ERC2: variants seen among roughly 807,000 people sequenced by gnomAD.
The protein encoded by ERC2 is ELKS/RAB6-interacting/CAST family member 2, also known as ERC protein 2.
A neutral mutation model predicts 114.8 loss-of-function variants in ERC2; 42 were observed. The ratio of observed to expected loss-of-function variants is 0.37; its 90% CI spans 0.29 to 0.47. The LOEUF (loss-of-function observed/expected upper bound fraction) is 0.47, where lower values mean the gene tolerates loss of function less well. Among genes scored for constraint, ERC2 ranks in the 20% least tolerant of loss-of-function variants. The probability of loss-of-function intolerance (pLI) is 0.99; values close to 1 mark genes in which losing one functional copy is unlikely to be tolerated. For missense variants in ERC2, 939 were observed against 1,150.7 expected, an observed-to-expected ratio of 0.82 and a Z score of 2.66; for synonymous variants, 454 against 425.5, an observed-to-expected ratio of 1.07 and a Z score of -0.82.
intron 13 of ERC2, among the ~76,000 whole-genome samples, chr3:55,906,601 CT>C (rs953162123): frequency 6.6e-6 from 1 of 152,126 alleles, no homozygotes. Context: ...TTTAACAACC[CT>C]TCTGATTGAT....
chr3:56,248,142 T>C (rs1459456485), intron 3 of ERC2, among the ~76,000 whole-genome samples: 1 of 152,170 alleles, frequency 6.6e-6, no homozygotes, highest in East Asian at 1.9e-4. Flanking sequence ...TAGGCTAGAG[T>C]TCAGTGACAC....
intron 17 of ERC2, among the ~76,000 whole-genome samples, chr3:55,574,574 C>A (rs1159267121): frequency 6.6e-6 from 1 of 152,084 alleles, no homozygotes; most frequent in African/African-American, 2.4e-5. Flanking sequence ...AGTTGTGTGA[C>A]CTTGGGTGAG....
chr3:55,735,941 A>G (rs907192363), intron 14 of ERC2, among the ~76,000 whole-genome samples: 1 of 152,184 alleles, frequency 6.6e-6, no homozygotes, highest in Non-Finnish European at 1.5e-5. Flanking sequence ...CCCTGAACTT[A>G]GAAGTCATCC....
chr3:55,890,835 T>C (rs1381524709), intron 13 of ERC2, among the ~76,000 whole-genome samples: 2 of 152,228 alleles, frequency 1.3e-5, no homozygotes, highest in Non-Finnish European at 2.9e-5. Context: ...TGTGTGGCCC[T>C]GGACCGAGGA....
chr3:56,310,643 A>C (rs1465103021), intron 2 of ERC2, among the ~76,000 whole-genome samples: 1 of 152,064 alleles, frequency 6.6e-6, no homozygotes, highest in Non-Finnish European at 1.5e-5. Context: ...GATTTTCCCC[A>C]TGTACCCTCC....
In ERC2 at chr3:55,798,527, G is replaced by A. The variant is rs147417166; in HGVS notation, c.2565-63609C>T. Among the ~76,000 whole-genome samples, 614 of 152,120 alleles carry A rather than the reference G, an allele frequency of 4.0e-3. 8 individuals carry two copies. Among genetic ancestry groups the A allele is most frequent in the African/African-American group, 0.014 (583 of 41,486 alleles). ...GCAGGATAATCACTTGAACTTGGGA[G>A]GCGGAGGTTGCAGTGAGCCAAGACC... On this transcript the variant is annotated intron_variant, in intron 14 of 17. Coordinates refer to ENST00000288221, the MANE Select transcript of ERC2 (RefSeq NM_015576.3).
intron 14 of ERC2, among the ~76,000 whole-genome samples, chr3:55,840,791 A>C (rs1319535821): frequency 6.6e-6 from 1 of 152,158 alleles, no homozygotes; most frequent in African/African-American, 2.4e-5. Flanking sequence ...ACTAGTAGGC[A>C]ATAAAAAGGT....
At chr3:56,360,601 G>C (rs1275475924) in intron 2 of ERC2, among the ~76,000 whole-genome samples, 3 of 152,168 alleles carry the variant, frequency 2.0e-5, no homozygotes, top group Non-Finnish European at 4.4e-5. Context: ...GTGTACTGAA[G>C]GATGAGTAAG....
intron 17 of ERC2, among the ~76,000 whole-genome samples, chr3:55,549,477 CTTTTTTTTTT>C (rs11404043): frequency 1.6e-5 from 2 of 123,226 alleles, no homozygotes; most frequent in Non-Finnish European, 3.3e-5. Context: ...GCCGCCTTAC[CTTTTTTTTTT>C]TTTTTTTTTT....
At chr3:55,789,217 C>A (rs2069775584) in intron 14 of ERC2, among the ~76,000 whole-genome samples, 1 of 152,194 alleles carries the variant, frequency 6.6e-6, no homozygotes, top group South Asian at 2.1e-4. Flanking sequence ...CTGTGACTGT[C>A]CTGCAAAAAG....
intron 15 of ERC2, among the ~76,000 whole-genome samples, chr3:55,703,955 C>T (rs2063355067): frequency 2.0e-5 from 3 of 152,180 alleles, no homozygotes; most frequent in Non-Finnish European, 4.4e-5. Context: ...TACCACCTCC[C>T]TGATTACTTA....
intron 16 of ERC2, among the ~76,000 whole-genome samples, chr3:55,686,654 C>T (rs770744641): frequency 6.6e-6 from 1 of 152,238 alleles, no homozygotes; most frequent in African/African-American, 2.4e-5. Flanking sequence ...ACAAGTATCA[C>T]TTGATCCTTA....
At chr3:56,271,767 C>T (rs1202359782) in intron 3 of ERC2, among the ~76,000 whole-genome samples, 1 of 152,142 alleles carries the variant, frequency 6.6e-6, no homozygotes, top group Admixed American at 6.6e-5. Flanking sequence ...TCCCACCTTC[C>T]ACCCTCAAGT....
intron 14 of ERC2, among the ~76,000 whole-genome samples, chr3:55,862,493 A>G (rs547540549): frequency 3.7e-4 from 57 of 152,320 alleles, no homozygotes; most frequent in African/African-American, 1.3e-3. Context: ...TGGCTATAAC[A>G]GGATAAACTA....
chr3:55,986,783 C>A (rs2070675463), intron 11 of ERC2, among the ~76,000 whole-genome samples: 1 of 151,290 alleles, frequency 6.6e-6, no homozygotes, highest in African/African-American at 2.4e-5. Flanking sequence ...AAACAATAAT[C>A]TCTATTGTCA....
intron 17 of ERC2, among the ~76,000 whole-genome samples, chr3:55,586,169 G>A (rs942947965): frequency 6.6e-6 from 1 of 152,134 alleles, no homozygotes; most frequent in Non-Finnish European, 1.5e-5. Flanking sequence ...GGACTGCAGA[G>A]GGTTGGGGAA....
chr3:56,127,012 T>G (rs2176637), intron 6 of ERC2, among the ~76,000 whole-genome samples: 116,759 of 151,832 alleles, frequency 0.77, 45,552 homozygotes, highest in East Asian at 0.85. Context: ...AAAATCAGTA[T>G]CATTTATATA....
At chr3:56,120,857 C>A (rs1439993502) in intron 6 of ERC2, among the ~76,000 whole-genome samples, 1 of 152,174 alleles carries the variant, frequency 6.6e-6, no homozygotes, top group Non-Finnish European at 1.5e-5. Flanking sequence ...CATCTGATAA[C>A]TGAACTTCAG....
chr3:56,348,092 G>C (rs2058376723), intron 2 of ERC2, among the ~76,000 whole-genome samples: 1 of 152,136 alleles, frequency 6.6e-6, no homozygotes, highest in African/African-American at 2.4e-5. Context: ...CTGTTCCCAG[G>C]CCAGACACCT....
Sources: gnomAD v4.1 joint callset for allele counts (sites outside exome capture counted in the v4.1 genomes callset) on GRCh38, gnomAD v4.1.1 for gene constraint, MANE v1.5 for transcripts, NCBI Gene and HGNC (gene_info 2026-07-23, HGNC 2026-07-21) for gene names.